The following LRRC4C variants were observed in gnomAD, a reference collection of about 807,000 sequenced individuals.
LRRC4C encodes the protein leucine rich repeat containing 4C, also known as leucine-rich repeat-containing protein 4C.
LRRC4C carries 5 observed loss-of-function variants against 33.6 expected under a neutral mutation model. The ratio of observed to expected loss-of-function variants is 0.15; its 90% CI spans 0.08 to 0.31. The LOEUF is 0.31. LRRC4C is among the 10% of genes least tolerant of loss of function. LRRC4C has a pLI of 1.00. For synonymous variants in LRRC4C, 329 were observed against 302.0 expected (o/e 1.09, Z -0.93); for missense variants, 560 against 796.7 (o/e 0.70, Z 3.58).
At chr11:40,962,806 A>G (rs2136889816) in intron 1 of LRRC4C, among the ~76,000 whole-genome samples, 1 of 151,824 alleles carries the variant, frequency 6.6e-6, no homozygotes, top group Non-Finnish European at 1.5e-5. Context: ...AGGGCAGATT[A>G]CCTTTTCTCA....
chr11:40,395,992 T>A (rs1192169533), intron 3 of LRRC4C, among the ~76,000 whole-genome samples: 2 of 151,866 alleles, frequency 1.3e-5, no homozygotes, highest in East Asian at 3.9e-4. Flanking sequence ...TCACAAAAAA[T>A]TTAATTTTAA....
intron 3 of LRRC4C, among the ~76,000 whole-genome samples, chr11:40,400,673 G>T (rs571870688): frequency 6.6e-6 from 1 of 152,154 alleles, no homozygotes; most frequent in South Asian, 2.1e-4. Flanking sequence ...TCCATATCTT[G>T]TTAAATTACT....
intron 1 of LRRC4C, among the ~76,000 whole-genome samples, chr11:41,030,678 G>A (rs748953591): frequency 6.6e-6 from 1 of 151,720 alleles, no homozygotes; most frequent in Non-Finnish European, 1.5e-5. Context: ...TTCTACCATC[G>A]TGTTTGATTT....
chr11:40,918,050 A>G (rs1957032862), intron 2 of LRRC4C, among the ~76,000 whole-genome samples: 1 of 152,120 alleles, frequency 6.6e-6, no homozygotes, highest in Non-Finnish European at 1.5e-5. Flanking sequence ...ACTCAATATC[A>G]GTATGTTGAA....
intron 1 of LRRC4C, among the ~76,000 whole-genome samples, chr11:41,107,808 G>T (rs1172273751): frequency 6.6e-6 from 1 of 152,018 alleles, no homozygotes; most frequent in African/African-American, 2.4e-5. Flanking sequence ...TGTGTTGATG[G>T]CACCTGTATT....
intron 3 of LRRC4C, among the ~76,000 whole-genome samples, chr11:40,618,274 C>T (rs568159234): frequency 3.3e-5 from 5 of 150,380 alleles, no homozygotes; most frequent in African/African-American, 1.2e-4. Flanking sequence ...CCAGGAAAGA[C>T]AGCCATATGA....
intron 2 of LRRC4C, among the ~76,000 whole-genome samples, chr11:40,833,803 A>G (rs1378195684): frequency 6.6e-6 from 1 of 152,104 alleles, no homozygotes; most frequent in Non-Finnish European, 1.5e-5. Context: ...ATTGTGGATA[A>G]GTGTTGTGCA....
chr11:40,791,033 T>C (rs1400958226), intron 2 of LRRC4C, among the ~76,000 whole-genome samples: 1 of 152,198 alleles, frequency 6.6e-6, no homozygotes, highest in Non-Finnish European at 1.5e-5. Context: ...AGCTGCATTT[T>C]GTCACTCAGT....
At chr11:40,202,298 G>GTTTTGGTTT (rs1862820397) in intron 5 of LRRC4C, among the ~76,000 whole-genome samples, 1 of 145,504 alleles carries the variant, frequency 6.9e-6, no homozygotes. Context: ...GGTTTTTTTT[G>GTTTTGGTTT]TTTTTGTTTT....
At chr11:41,241,512 A>G (rs1020384125) in intron 1 of LRRC4C, among the ~76,000 whole-genome samples, 6 of 152,142 alleles carry the variant, frequency 3.9e-5, no homozygotes, top group Non-Finnish European at 5.9e-5. Context: ...CAACAAGTCA[A>G]TGGAGAGTCA....
intron 1 of LRRC4C, among the ~76,000 whole-genome samples, chr11:41,203,608 G>A (rs1406920153): frequency 6.6e-6 from 1 of 152,166 alleles, no homozygotes; most frequent in African/African-American, 2.4e-5. Flanking sequence ...AAATATAAAG[G>A]TTCTGAAGCC....
rs58139193 is a variant in LRRC4C at position 41,279,428 on chromosome 11, A to ACACCCCCCC, written c.-496+180002_-496+180003insGGGGGGGTG. On this transcript the variant is annotated intron_variant, in intron 1 of 6. Coordinates refer to ENST00000528697, the MANE Select transcript of LRRC4C (RefSeq NM_001258419.2). ...CACACACACACACACACACACACAC[A>ACACCCCCCC]CCGTGGCAATCACTGCCTGCAATGG... Among the ~76,000 whole-genome samples the ACACCCCCCC allele has an allele frequency of 1.3e-3, 180 of 140,876 alleles. 1 individual carries two copies. Among genetic ancestry groups the ACACCCCCCC allele is most frequent in the African/African-American group, 3.4e-3 (126 of 36,800 alleles). 92.4% of individuals were successfully genotyped at this position (140,876 alleles called of 152,430 possible).
chr11:40,636,940 G>C (rs544976844), intron 3 of LRRC4C, among the ~76,000 whole-genome samples: 2 of 152,120 alleles, frequency 1.3e-5, no homozygotes, highest in Non-Finnish European at 2.9e-5. Context: ...TCCTCTGATG[G>C]CCCTTCAAGA....
intron 1 of LRRC4C, among the ~76,000 whole-genome samples, chr11:41,031,459 C>G (rs560838075): frequency 3.3e-5 from 5 of 152,024 alleles, no homozygotes; most frequent in South Asian, 2.1e-4. Flanking sequence ...AACTGTAAAA[C>G]AGACATTTTA....
intron 1 of LRRC4C, among the ~76,000 whole-genome samples, chr11:41,308,580 C>A (rs1278266491): frequency 6.6e-6 from 1 of 151,836 alleles, no homozygotes; most frequent in Non-Finnish European, 1.5e-5. Context: ...AAGCTTGGGC[C>A]AATATTAAAA....
chr11:40,679,373 G>T lies in LRRC4C; in HGVS notation c.-406-31095C>A, dbSNP rs184547479. Among the ~76,000 whole-genome samples the T allele has an allele frequency of 1.2e-4, 19 of 152,288 alleles. No homozygotes were observed. In the East Asian group the frequency reaches 3.3e-3, roughly 26 times the overall value. On this transcript the variant is annotated intron_variant, in intron 2 of 6. Coordinates refer to ENST00000528697, the MANE Select transcript of LRRC4C (RefSeq NM_001258419.2). Reference sequence around the variant, plus strand: ...TGAGGAGAAATTCAAGCCAGGTGCAGAAATTTGCATAAGTAACGAGGAGCG... The same window carrying T: ...TGAGGAGAAATTCAAGCCAGGTGCATAAATTTGCATAAGTAACGAGGAGCG...
intron 3 of LRRC4C, among the ~76,000 whole-genome samples, chr11:40,492,038 C>T (rs1293058145): frequency 6.6e-6 from 1 of 152,178 alleles, no homozygotes; most frequent in Admixed American, 6.6e-5. Context: ...ATGTCTTGCA[C>T]ATACACCTAA....
At chr11:40,245,631 T>G (rs1866267710) in intron 4 of LRRC4C, among the ~76,000 whole-genome samples, 1 of 152,100 alleles carries the variant, frequency 6.6e-6, no homozygotes, top group South Asian at 2.1e-4. Flanking sequence ...TTAAACAAAA[T>G]TATAGGTTCA....
intron 1 of LRRC4C, among the ~76,000 whole-genome samples, chr11:40,945,027 T>C (rs7944509): frequency 0.062 from 9,013 of 144,432 alleles, 360 homozygotes; most frequent in Admixed American, 0.14. Flanking sequence ...GTTTTTCTTT[T>C]TTTTTTTTTT....
Sources: allele counts gnomAD v4.1 joint callset (sites outside exome capture counted in the v4.1 genomes callset), GRCh38; gene constraint gnomAD v4.1.1; transcripts MANE v1.5; gene names NCBI Gene and HGNC (gene_info 2026-07-23, HGNC 2026-07-21).